Variants in ARB2A observed in about 807,000 individuals in gnomAD.
ARB2A encodes ARB2 cotranscriptional regulator A.
At chr5:94,076,062 A>G in the ARB2A span, among the ~76,000 whole-genome samples, 2 of 152,320 alleles carry the variant, frequency 1.3e-5, no homozygotes, top group South Asian at 4.1e-4. Flanking sequence ...TTATGTGCAC[A>G]ACATCCATGT....
chr5:93,916,329 G>C, the ARB2A span, among the ~76,000 whole-genome samples: 3 of 151,962 alleles, frequency 2.0e-5, no homozygotes, highest in African/African-American at 7.2e-5. Context: ...ATGCATTTTG[G>C]CATTTAGTTT....
chr5:93,742,580 G>C, the ARB2A span, among the ~76,000 whole-genome samples: 1 of 152,176 alleles, frequency 6.6e-6, no homozygotes, highest in African/African-American at 2.4e-5. Flanking sequence ...CTAGGAGGAA[G>C]AGCACAATGA....
chr5:93,816,402 A>T, the ARB2A span, among the ~76,000 whole-genome samples: 1 of 152,226 alleles, frequency 6.6e-6, no homozygotes, highest in Non-Finnish European at 1.5e-5. Flanking sequence ...AATGGAAAAA[A>T]GAAATATTTC....
the ARB2A span, among the ~76,000 whole-genome samples, chr5:94,060,727 A>G: frequency 1.3e-5 from 2 of 152,338 alleles, no homozygotes; most frequent in South Asian, 4.1e-4. Flanking sequence ...ACCCCAGTTC[A>G]ATATCTCTAA....
At chr5:93,686,080 C>T in the ARB2A span, among the ~76,000 whole-genome samples, 1 of 152,126 alleles carries the variant, frequency 6.6e-6, no homozygotes, top group African/African-American at 2.4e-5. Flanking sequence ...TAAAAAAGAA[C>T]CCAAACACAA....
At chr5:94,102,559 T>C in the ARB2A span, among the ~76,000 whole-genome samples, 1 of 152,106 alleles carries the variant, frequency 6.6e-6, no homozygotes, top group Non-Finnish European at 1.5e-5. Flanking sequence ...TTGGCATCCC[T>C]GAAAGAGAGA....
the ARB2A span, among the ~76,000 whole-genome samples, chr5:93,708,103 T>G: frequency 6.6e-6 from 1 of 152,202 alleles, no homozygotes; most frequent in Non-Finnish European, 1.5e-5. Flanking sequence ...ATGTATTTTT[T>G]TTCCTCTGAA....
At chr5:93,765,010 A>G in the ARB2A span, among the ~76,000 whole-genome samples, 13 of 152,102 alleles carry the variant, frequency 8.5e-5, no homozygotes, top group African/African-American at 1.2e-4. Flanking sequence ...CATGCTAAAA[A>G]CTCTCAATAA....
At chr5:93,958,236 A>T in the ARB2A span, among the ~76,000 whole-genome samples, 4 of 152,080 alleles carry the variant, frequency 2.6e-5, no homozygotes, top group South Asian at 6.2e-4. Context: ...TCTATGTCTC[A>T]TGCTTAAAGC....
At chr5:93,771,874 C>T in the ARB2A span, among the ~76,000 whole-genome samples, 178 of 152,312 alleles carry the variant, frequency 1.2e-3, no homozygotes, top group African/African-American at 4.1e-3. Context: ...TAAACTAGTT[C>T]AACCTTTGTG....
the ARB2A span, among the ~76,000 whole-genome samples, chr5:93,788,751 A>G: frequency 6.6e-6 from 1 of 152,184 alleles, no homozygotes; most frequent in Non-Finnish European, 1.5e-5. Flanking sequence ...GCCTTAATTT[A>G]CTTTGAAGGC....
the ARB2A span, among the ~76,000 whole-genome samples, chr5:93,757,649 TAC>T: frequency 1.3e-5 from 2 of 152,096 alleles, no homozygotes; most frequent in Admixed American, 6.6e-5. Flanking sequence ...ATATAAAAGA[TAC>T]AGTCTTTTTC....
At chr5:93,957,177 A>G in the ARB2A span, among the ~76,000 whole-genome samples, 1 of 152,156 alleles carries the variant, frequency 6.6e-6, no homozygotes, top group Non-Finnish European at 1.5e-5. Context: ...TCAAACAAAC[A>G]TGTTTGGCAT....
chr5:93,748,208 A>C, the ARB2A span, among the ~76,000 whole-genome samples: 1 of 152,170 alleles, frequency 6.6e-6, no homozygotes, highest in Non-Finnish European at 1.5e-5. Context: ...AAAGGAAGAC[A>C]ATATATTAAA....
At chr5:93,672,868 A>T in the ARB2A span, among the ~76,000 whole-genome samples, 1 of 152,154 alleles carries the variant, frequency 6.6e-6, no homozygotes, top group Non-Finnish European at 1.5e-5. Flanking sequence ...GGCTCTTTTA[A>T]TCATATCACC....
the ARB2A span, among the ~76,000 whole-genome samples, chr5:93,860,347 A>C: frequency 6.6e-6 from 1 of 152,082 alleles, no homozygotes; most frequent in Non-Finnish European, 1.5e-5. Flanking sequence ...AAGCAAACCA[A>C]CAATGTTCAT....
chr5:93,651,302 A>AT, the ARB2A span, among the ~76,000 whole-genome samples: 1 of 151,918 alleles, frequency 6.6e-6, no homozygotes, highest in Non-Finnish European at 1.5e-5. Flanking sequence ...TGCTTGGCTA[A>AT]TTTTTTATTT....
chr5:93,643,145 GA>G, the ARB2A span, among the ~76,000 whole-genome samples: 1 of 152,148 alleles, frequency 6.6e-6, no homozygotes, highest in Admixed American at 6.5e-5. Flanking sequence ...TTGTGTAACA[GA>G]AAGTTTGAAG....
At chr5:93,943,722 T>C in the ARB2A span, among the ~76,000 whole-genome samples, 1 of 152,156 alleles carries the variant, frequency 6.6e-6, no homozygotes, top group Non-Finnish European at 1.5e-5. Context: ...GTTAAGAACG[T>C]GTTAACTAAA....
Sources: gnomAD v4.1 joint callset for allele counts (sites outside exome capture counted in the v4.1 genomes callset) on GRCh38, gnomAD v4.1.1 for gene constraint, MANE v1.5 for transcripts, NCBI Gene and HGNC (gene_info 2026-07-23, HGNC 2026-07-21) for gene names.